DRP2: variants seen among roughly 807,000 people sequenced by gnomAD.
The protein encoded by DRP2 is dystrophin related protein 2.
A neutral mutation model predicts 78.2 loss-of-function variants in DRP2; 29 were observed. The observed-to-expected ratio is 0.37, with a 90% confidence interval of 0.28 to 0.51. The LOEUF is 0.51. Among genes scored for constraint, DRP2 ranks in the 20% least tolerant of loss-of-function variants. DRP2 has a pLI of 0.94. For synonymous variants in DRP2, 290 were observed against 281.9 expected, an observed-to-expected ratio of 1.03 and a Z score of -0.29; for missense variants, 686 against 770.6, an observed-to-expected ratio of 0.89 and a Z score of 1.30.
At chrX:101,233,508 G>A (rs1922379953) in intron 3 of DRP2, among the ~76,000 whole-genome samples, 2 of 112,028 alleles carry the variant, frequency 1.8e-5, no homozygotes, top group Non-Finnish European at 1.9e-5. Flanking sequence ...GAAACAATGT[G>A]GAACTGTTGG....
In DRP2 at chrX:101,252,743, G is replaced by C. The variant is rs373917563; in HGVS notation, c.1977+27G>C. The C allele has an allele frequency of 1.4e-5, 16 of 1,137,018 alleles. No homozygotes were observed. In the African/African-American group the frequency reaches 2.7e-4, roughly 19 times the overall value. The allele number at this position is 1,137,018 out of a possible 1,213,427, so 93.7% of individuals were successfully genotyped here. On this transcript the variant is annotated intron_variant, in intron 17 of 23. Transcript: ENST00000395209. Reference sequence around the variant, plus strand: ...TATGAAGCCTCCAGGCTGGGTGGGAGGGTTAGGCAGCTCTCAGGTACTAGG... The same window carrying C: ...TATGAAGCCTCCAGGCTGGGTGGGACGGTTAGGCAGCTCTCAGGTACTAGG...
chrX:101,236,153 C>A, intron 4 of DRP2, 130 bp downstream of exon 4: 1 of 699,196 alleles, frequency 1.4e-6, no homozygotes, highest in Non-Finnish European at 2.1e-6. Context: ...CTTTCCTACA[C>A]TGGCACTGGG....
chrX:101,259,598 A>C (rs1923471727), intron 22 of DRP2, among the ~76,000 whole-genome samples: 1 of 111,761 alleles, frequency 8.9e-6, no homozygotes, highest in South Asian at 3.8e-4. Flanking sequence ...TCCCAGGTTC[A>C]AGCGATTCTC....
At chrX:101,254,788 G>A in intron 18 of DRP2, 71 bp from the exon 19 acceptor site, 2 of 1,161,335 alleles carry the variant, frequency 1.7e-6, no homozygotes, top group East Asian at 3.0e-5. Flanking sequence ...CATAATGTAG[G>A]GAGCAGGAGA....
rs749021382 is a variant in DRP2, at chrX:101,231,753, C to A, written c.106C>A (p.Pro36Thr). 2 of 1,203,978 alleles carry A rather than the reference C, an allele frequency of 1.7e-6. No homozygotes were observed. Among genetic ancestry groups the A allele is most frequent in the African/African-American group, 3.5e-5 (2 of 56,793 alleles). The change falls in exon 3 of 24, where the codon CCC becomes ACC. Residue 36 changes from proline to threonine, a missense_variant. Around this residue, in one of 2 missense-constraint regions of DRP2, gnomAD observed 263 missense variants for 239.1 expected, o/e 1.10. Transcript: ENST00000395209. Reference protein sequence around the residue: ...HHSSSLRSTCPHPQVRAAVTS... With the variant: ...HHSSSLRSTCTHPQVRAAVTS... ...TAGCAGCAGCCTCCGAAGCACCTGC[C>A]CCCACCCTCAGGTAAGAGTCTGATA...
At chrX:101,256,904 T>C (rs1407787937) in intron 21 of DRP2, among the ~76,000 whole-genome samples, 1 of 106,732 alleles carries the variant, frequency 9.4e-6, no homozygotes, top group East Asian at 3.0e-4. Context: ...ACACACAAGA[T>C]GCAAGCAGAG....
intron 11 of DRP2, 43 bp downstream of exon 11, chrX:101,245,492 CTGCCTT>C (rs11279362): frequency 0.034 from 35,808 of 1,057,960 alleles, 1,826 homozygotes; most frequent in African/African-American, 0.28. Flanking sequence ...ATATACACAG[CTGCCTT>C]TGTCCTATAA....
Position 101,245,411 on chromosome X carries a change from G to T in DRP2, c.1139G>T (p.Trp380Leu). The change falls in exon 11 of 24, where the codon TGG becomes TTG. Residue 380 changes from tryptophan to leucine, a missense_variant. Trp to Leu is a moderately conservative substitution (Grantham distance 61). Transcript: ENST00000395209. ...YINHQAQTTC[W>L]DHPKMTELYQ... ...AGCCACCAGGCTCAGACCACATGCT[G>T]GGACCATCCCAAGATGACAGAGTTA... 8.3e-7 allele frequency: 1 copy of T among 1,206,135 alleles called. No homozygotes were observed.
At position 101,259,646 on chromosome X, in the gene DRP2, G is replaced by A. The variant is rs1259527353; in HGVS notation, c.2629-403G>A. Among the ~76,000 whole-genome samples the A allele has an allele frequency of 1.8e-5, 2 of 111,537 alleles. 1 individual carries two copies. The highest frequency in any genetic ancestry group is 8.4e-3 in the Middle Eastern group (2 of 238). On this transcript the variant is annotated intron_variant, in intron 22 of 23. Coordinates refer to ENST00000395209, the MANE Select transcript of DRP2 (RefSeq NM_001939.3). ...CCCAAGTAGCTGGGATTATAGGCAT[G>A]GGCCACCATGCCCGGCTAATTTTGT...
rs1922556169 is a variant in DRP2 at position 101,237,626 on chromosome X, CT to C, written c.290del (p.Leu97GlnfsTer82). On this transcript the variant is annotated frameshift_variant, in exon 5 of 24. Coordinates refer to ENST00000395209, the MANE Select transcript of DRP2 (RefSeq NM_001939.3). LOFTEE classifies it high-confidence loss of function. ...TTTACTCATTGTGTGCAGCGCTCGC[CT>C]AGAGGCCTTCTCAGACCACAGTGGA... ...KKKSHNLRAR[L>X]EAFSDHSGKL... 1 of 1,120,426 alleles carries C rather than the reference CT, an allele frequency of 8.9e-7. No homozygotes were observed. The highest frequency in any genetic ancestry group is 1.2e-6 in the Non-Finnish European group (1 of 840,315). 92.3% of individuals were successfully genotyped at this position (1,120,426 alleles called of 1,213,427 possible). A position where few individuals can be genotyped will look rare whatever the true frequency, so the allele number is the denominator to read the frequency against.
At chrX:101,241,171 AAC>A (rs1427442330) in intron 6 of DRP2, among the ~76,000 whole-genome samples, 1 of 112,334 alleles carries the variant, frequency 8.9e-6, no homozygotes, top group Non-Finnish European at 1.9e-5. Flanking sequence ...TAAGTGGAAA[AAC>A]ACAATATGGT....
intron 1 of DRP2, among the ~76,000 whole-genome samples, chrX:101,221,857 A>G (rs1366650570): frequency 8.9e-6 from 1 of 112,031 alleles, no homozygotes; most frequent in Admixed American, 9.5e-5. Flanking sequence ...TCTCAGGGAT[A>G]CACACTCAGA....
intron 1 of DRP2, among the ~76,000 whole-genome samples, chrX:101,221,924 T>C (rs777410291): frequency 8.9e-6 from 1 of 112,074 alleles, no homozygotes; most frequent in Non-Finnish European, 1.9e-5. Flanking sequence ...TTATGAAGGA[T>C]TCTAAACATG....
At position 101,256,044 on chromosome X, in the gene DRP2, G is replaced by T. The variant is rs150651830; in HGVS notation, c.2247-74G>T. 1.3e-3 allele frequency: 1,466 copies of T among 1,091,099 alleles called. 13 individuals carry two copies. In the African/African-American group the frequency reaches 0.025, roughly 19 times the overall value. The allele number at this position is 1,091,099 out of a possible 1,213,427, so 89.9% of individuals were successfully genotyped here. A position where few individuals can be genotyped will look rare whatever the true frequency, so the allele number is the denominator to read the frequency against. ...AATCCTCCAGCATGCATTTCCTGGG[G>T]CCTGAGCTGAGAGCTGAGTTGTTTC... is the stretch of plus-strand genomic sequence containing the variant. On this transcript the variant is annotated intron_variant, in intron 20 of 23. Transcript: ENST00000395209.
Position 101,260,829 on chromosome X carries a change from C to T in DRP2, c.*208C>T, listed in dbSNP as rs1923526547. ...GAAGGGGAGGCATGATTCTTCTGAC[C>T]CTAGAAATGTTCCCTTTAATCTTCA... On this transcript the variant is annotated 3_prime_UTR_variant, in exon 24 of 24. Transcript: ENST00000395209. 1 of 396,428 alleles carries T rather than the reference C, an allele frequency of 2.5e-6. No individual in the cohort carries two copies. The highest frequency in any genetic ancestry group is 4.1e-6 in the Non-Finnish European group (1 of 243,489). The allele number at this position is 396,428 out of a possible 1,213,427, so 32.7% of individuals were successfully genotyped here.
chrX:101,250,582 T>G lies in DRP2; in HGVS notation c.1698+2T>G, dbSNP rs1246910322. The G allele has an allele frequency of 8.4e-7, 1 of 1,185,699 alleles. No homozygotes were observed. Among genetic ancestry groups the G allele is most frequent in the Non-Finnish European group, 1.1e-6 (1 of 882,100 alleles). ...AGTGTCCGTAGTTGCTTCCGTTTTG[T>G]GAGTATGGAACTGGGGAGTGGGGGA... On this transcript the variant is annotated splice_donor_variant, in intron 15 of 23. Transcript: ENST00000395209. LOFTEE classifies it high-confidence loss of function.
At position 101,241,761 on chromosome X, in the gene DRP2, G is replaced by A. The variant is rs368516281; in HGVS notation, c.653G>A (p.Arg218His). Reference sequence around the variant, plus strand: ...GAACTGTGGGAGAAGTTGACAGCCCGCTGTGTGGACCAGCACCGTCACATT... The same window carrying A: ...GAACTGTGGGAGAAGTTGACAGCCCACTGTGTGGACCAGCACCGTCACATT... ...ASELWEKLTA[R>H]CVDQHRHIER... The change falls in exon 7 of 24, where the codon CGC becomes CAC. Residue 218 changes from arginine to histidine, a missense_variant. Physicochemically the swap from Arg to His is conservative, Grantham distance 29 (BLOSUM62 0). Coordinates refer to ENST00000395209, the MANE Select transcript of DRP2 (RefSeq NM_001939.3). The A allele has an allele frequency of 9.1e-6, 11 of 1,211,697 alleles. No individual in the cohort carries two copies. The highest frequency in any genetic ancestry group is 4.6e-4 in the Middle Eastern group (2 of 4,355).
At chrX:101,224,212 T>G (rs866608472) in intron 1 of DRP2, among the ~76,000 whole-genome samples, 17 of 75,090 alleles carry the variant, frequency 2.3e-4, no homozygotes, top group African/African-American at 7.2e-4. Flanking sequence ...TTTTTTTTTT[T>G]TTTTTTTTTG....
intron 2 of DRP2, among the ~76,000 whole-genome samples, chrX:101,225,306 T>C (rs1396222724): frequency 9.0e-6 from 1 of 111,581 alleles, no homozygotes; most frequent in Non-Finnish European, 1.9e-5. Flanking sequence ...ATTGTATGGA[T>C]ACACTTTCCA....
Sources: allele counts gnomAD v4.1 joint callset (sites outside exome capture counted in the v4.1 genomes callset), GRCh38; gene constraint gnomAD v4.1.1; regional missense constraint gnomAD v4.1.1; transcripts MANE v1.5; gene names NCBI Gene and HGNC (gene_info 2026-07-23, HGNC 2026-07-21).